The following TFEC variants were observed in gnomAD, a reference collection of about 807,000 sequenced individuals.
TFEC encodes transcription factor EC, also known as class E basic helix-loop-helix protein 34.
A neutral mutation model predicts 41.6 loss-of-function variants in TFEC; 31 were observed. That is an observed-to-expected ratio of 0.74 (90% confidence interval 0.56 to 1.01). TFEC has a LOEUF of 1.01. Ranked by LOEUF, TFEC falls within the 50% of genes least tolerant of loss-of-function variation. The pLI, the probability that TFEC is intolerant of heterozygous loss-of-function variation, is 0.00. For synonymous variants in TFEC, 143 were observed against 140.6 expected (o/e 1.02, Z -0.12); for missense variants, 402 against 404.1 (o/e 0.99, Z 0.04).
intron 3 of TFEC, among the ~76,000 whole-genome samples, chr7:116,072,439 G>A (rs1325164257): frequency 6.6e-6 from 1 of 151,374 alleles, no homozygotes; most frequent in Non-Finnish European, 1.5e-5. Context: ...GATATGTATT[G>A]TTTAACATGA....
At chr7:115,958,141 G>A (rs1217878703) in intron 3 of TFEC, among the ~76,000 whole-genome samples, 1 of 151,686 alleles carries the variant, frequency 6.6e-6, no homozygotes, top group East Asian at 1.9e-4. Context: ...GGTCTTGGAA[G>A]GGAGCTATAA....
intron 1 of TFEC, among the ~76,000 whole-genome samples, chr7:116,132,494 T>C (rs1798352705): frequency 6.6e-6 from 1 of 152,198 alleles, no homozygotes; most frequent in Admixed American, 6.5e-5. Context: ...ATAAAGTTAA[T>C]AATTTTTACA....
chr7:116,002,499 T>C (rs1434135225), intron 1 of TFEC, among the ~76,000 whole-genome samples: 6 of 152,200 alleles, frequency 3.9e-5, no homozygotes. Context: ...CATTGAGCTA[T>C]GTAATAGAAC....
At chr7:115,960,928 A>G (rs1411074821) in intron 3 of TFEC, among the ~76,000 whole-genome samples, 1 of 151,708 alleles carries the variant, frequency 6.6e-6, no homozygotes, top group African/African-American at 2.4e-5. Flanking sequence ...AGGGATAATG[A>G]GTCACTATTC....
intron 1 of TFEC, among the ~76,000 whole-genome samples, chr7:116,135,000 T>C (rs193278111): frequency 1.3e-5 from 2 of 152,160 alleles, no homozygotes; most frequent in East Asian, 1.9e-4. Flanking sequence ...TAACAACTTA[T>C]ACATTTTAAA....
chr7:116,071,786 C>G (rs1313325388), intron 3 of TFEC, among the ~76,000 whole-genome samples: 1 of 151,308 alleles, frequency 6.6e-6, no homozygotes, highest in African/African-American at 2.4e-5. Context: ...AGAATGCCTC[C>G]CTGCCTGTGA....
At chr7:116,038,592 T>G (rs1113295) in intron 3 of TFEC, among the ~76,000 whole-genome samples, 91,399 of 151,850 alleles carry the variant, frequency 0.6, 27,847 homozygotes, top group East Asian at 0.75. Context: ...CATCTCATGT[T>G]AGCATGCTAT....
At chr7:115,984,934 T>C (rs1325091558) in intron 1 of TFEC, among the ~76,000 whole-genome samples, 1 of 152,078 alleles carries the variant, frequency 6.6e-6, no homozygotes, top group African/African-American at 2.4e-5. Context: ...TGATCAAAAC[T>C]TTGTTCTTAA....
chr7:115,941,938 C>A lies in TFEC; in HGVS notation c.618G>T (p.Gln206His). 6.2e-7 allele frequency: 1 copy of A among 1,613,226 alleles called. No homozygotes were observed. Among genetic ancestry groups the A allele is most frequent in the South Asian group, 1.1e-5 (1 of 91,054 alleles). ...GCCTGTTAGCCTGCTCTAATTTCTT[C>A]TGTCTGTGTTCCAATTCTCGGGCTC... is the stretch of plus-strand genomic sequence containing the variant. ...QQRARELEHR[Q>H]KKLEQANRRL... is the part of the protein sequence containing the mutation. Residue 206 changes from glutamine (Q) to histidine (H), a missense_variant, in exon 7 of 8, where the codon CAG becomes CAT. Transcript: ENST00000265440.
intron 3 of TFEC, among the ~76,000 whole-genome samples, chr7:115,967,505 A>G (rs945738474): frequency 5.3e-5 from 8 of 151,810 alleles, no homozygotes; most frequent in Admixed American, 1.3e-4. Context: ...TGTAGATGCA[A>G]TAAACAAGGT....
At position 116,002,747 on chromosome 7, in the gene TFEC, TCA is replaced by T. The variant is rs370630940; in HGVS notation, c.-72-18236_-72-18235del. Among the ~76,000 whole-genome samples, 315 of 152,274 alleles carry T rather than the reference TCA, an allele frequency of 2.1e-3. 2 individuals carry two copies. The highest frequency in any genetic ancestry group is 7.2e-4 in the Non-Finnish European group (49 of 67,986). On this transcript the variant is annotated intron_variant, in intron 1 of 7. Coordinates refer to ENST00000265440, the MANE Select transcript of TFEC (RefSeq NM_012252.4). ...CAATTTACCCTCATGTGATTATTAT[TCA>T]TTTTATGCTTGTATCAAAATATTTT...
chr7:116,024,580 G>A (rs993925675), intron 1 of TFEC, among the ~76,000 whole-genome samples: 1 of 152,136 alleles, frequency 6.6e-6, no homozygotes, highest in Non-Finnish European at 1.5e-5. Context: ...TAGTACATAA[G>A]GAGAGCCCAA....
chr7:115,950,843 A>G, intron 6 of TFEC, 31 bp downstream of exon 6: 2 of 1,539,496 alleles, frequency 1.3e-6, no homozygotes, highest in African/African-American at 1.4e-5. Context: ...TTAAATTATA[A>G]CATTATTATA....
chr7:116,072,279 CCT>C (rs1231983113), intron 3 of TFEC, among the ~76,000 whole-genome samples: 5 of 151,388 alleles, frequency 3.3e-5, no homozygotes, highest in Non-Finnish European at 7.4e-5. Flanking sequence ...AATCTGAATG[CCT>C]TTTTATTTTT....
chr7:116,137,292 T>G (rs897220886), intron 1 of TFEC, among the ~76,000 whole-genome samples: 2 of 152,170 alleles, frequency 1.3e-5, no homozygotes, highest in Non-Finnish European at 2.9e-5. Flanking sequence ...TTTCTGTGTC[T>G]TTATGTTTGA....
At chr7:115,998,958 T>C (rs1794479254) in intron 1 of TFEC, among the ~76,000 whole-genome samples, 1 of 151,990 alleles carries the variant, frequency 6.6e-6, no homozygotes, top group Non-Finnish European at 1.5e-5. Flanking sequence ...AACATCAGAC[T>C]TAATCTGAAC....
chr7:115,968,392 T>C (rs941022788), intron 3 of TFEC: 2 of 1,204,038 alleles, frequency 1.7e-6, no homozygotes, highest in Non-Finnish European at 2.2e-6. Flanking sequence ...ACTGATGTTA[T>C]GCAGTCCTTT....
chr7:115,942,430 T>G (rs2130201226), intron 6 of TFEC, among the ~76,000 whole-genome samples: 1 of 152,128 alleles, frequency 6.6e-6, no homozygotes, highest in East Asian at 1.9e-4. Context: ...TAAGCCTAAA[T>G]TTTTTAAGAT....
At chr7:116,138,331 G>A (rs1326639602) in intron 1 of TFEC, among the ~76,000 whole-genome samples, 1 of 152,130 alleles carries the variant, frequency 6.6e-6, no homozygotes, top group Non-Finnish European at 1.5e-5. Context: ...TTATCTGAAA[G>A]TTAGGATCCT....
Sources: gnomAD v4.1 joint callset for allele counts (sites outside exome capture counted in the v4.1 genomes callset) on GRCh38, gnomAD v4.1.1 for gene constraint, MANE v1.5 for transcripts, NCBI Gene and HGNC (gene_info 2026-07-23, HGNC 2026-07-21) for gene names.